Variants in PLEKHA8 observed in about 807,000 individuals in gnomAD.
PLEKHA8 encodes the protein pleckstrin homology domain containing A8.
A neutral mutation model predicts 68.2 loss-of-function variants in PLEKHA8; 36 were observed. The ratio of observed to expected loss-of-function variants is 0.53; its 90% CI spans 0.40 to 0.70. The LOEUF (loss-of-function observed/expected upper bound fraction) is 0.70. Ranked by LOEUF, PLEKHA8 falls within the 30% of genes least tolerant of loss-of-function variation. The pLI, the probability that PLEKHA8 is intolerant of heterozygous loss-of-function variation, is 0.00. For missense variants in PLEKHA8, 505 were observed against 615.4 expected (o/e 0.82, Z 1.90); for synonymous variants, 211 against 216.1 (o/e 0.98, Z 0.20).
At position 30,049,586 on chromosome 7, in the gene PLEKHA8, C is replaced by T. The variant is rs62446679; in HGVS notation, c.597+204C>T. On this transcript the variant is annotated intron_variant, in intron 5 of 13. Coordinates refer to ENST00000449726, the MANE Select transcript of PLEKHA8 (RefSeq NM_001197026.2). ...GCAATTTTACCACCTAAACATGTTTCTAATGTAGCCTCTTTCCAACCCCTT... is the reference window on the plus strand; with the variant it reads ...GCAATTTTACCACCTAAACATGTTTTTAATGTAGCCTCTTTCCAACCCCTT... 2.6e-3 allele frequency: 1,538 copies of T among 592,412 alleles called. 25 individuals are homozygous for T. Among genetic ancestry groups the T allele is most frequent in the African/African-American group, 0.026 (1,370 of 53,352 alleles). 36.7% of individuals were successfully genotyped at this position (592,412 alleles called of 1,614,324 possible).
Position 30,081,666 on chromosome 7 carries a change from C to T in PLEKHA8, c.*2879C>T. 1 of 985,154 alleles carries T rather than the reference C, an allele frequency of 1.0e-6. No homozygotes were observed. The highest frequency in any genetic ancestry group is 1.2e-6 in the Non-Finnish European group (1 of 829,722). 61.0% of individuals were successfully genotyped at this position (985,154 alleles called of 1,614,324 possible). ...CAGAGTAATCACTTTGTTCTCATCG[C>T]TCAAAGCATTTTTAGGATTATTTTT... On this transcript the variant is annotated 3_prime_UTR_variant, in exon 14 of 14. Coordinates refer to ENST00000449726, the MANE Select transcript of PLEKHA8 (RefSeq NM_001197026.2).
In PLEKHA8 at chr7:30,046,321, C is replaced by G. The variant is rs767611602; in HGVS notation, c.269C>G (p.Ser90Ter). The change falls in exon 3 of 14, where the codon TCA becomes TGA. Residue 90 changes from serine (S) to a stop codon, truncating the protein, a stop_gained. Transcript: ENST00000449726. LOFTEE classifies it high-confidence loss of function. ...CAGCGGTGGCTGGTGGCCCTGGGAT[C>G]AGCCAAGGCTTGCCTGACTGACAGT... is the stretch of plus-strand genomic sequence containing the variant. Reference protein sequence around the residue: ...ERQRWLVALGSAKACLTDSRT... With the variant: ...ERQRWLVALG The G allele has an allele frequency of 3.1e-6, 5 of 1,613,628 alleles. No individual in the cohort carries two copies. The highest frequency in any genetic ancestry group is 4.2e-6 in the Non-Finnish European group (5 of 1,179,686).
intron 3 of PLEKHA8, among the ~76,000 whole-genome samples, chr7:30,047,009 C>G (rs1792010571): frequency 6.6e-6 from 1 of 152,190 alleles, no homozygotes; most frequent in Non-Finnish European, 1.5e-5. Context: ...CCTTCCCTGC[C>G]CCATGGCCCT....
downstream of PLEKHA8, among the ~76,000 whole-genome samples, chr7:30,085,518 T>C (rs903787176): frequency 2.6e-5 from 4 of 152,228 alleles, no homozygotes; most frequent in African/African-American, 9.6e-5. Context: ...CTAAATCACT[T>C]GATGTCAAAG....
chr7:30,076,391 G>A (rs1305763715), intron 13 of PLEKHA8, among the ~76,000 whole-genome samples: 1 of 152,110 alleles, frequency 6.6e-6, no homozygotes, highest in Non-Finnish European at 1.5e-5. Flanking sequence ...ATGCATTTTT[G>A]AATAAAATTC....
At chr7:30,074,522 A>G (rs1794491797) in intron 13 of PLEKHA8, among the ~76,000 whole-genome samples, 1 of 152,200 alleles carries the variant, frequency 6.6e-6, no homozygotes, top group Non-Finnish European at 1.5e-5. Context: ...ATAAGGTAGT[A>G]AAAAGCTTAA....
intron 9 of PLEKHA8, among the ~76,000 whole-genome samples, chr7:30,056,452 G>A (rs2127983440): frequency 6.8e-6 from 1 of 146,118 alleles, no homozygotes; most frequent in East Asian, 2.0e-4. Context: ...GTTATGGCTG[G>A]GCACAGTGGC....
chr7:30,090,139 G>A (rs1562543634), intron 12 of PLEKHA8: 2 of 1,550,012 alleles, frequency 1.3e-6, no homozygotes, highest in Non-Finnish European at 1.7e-6. Context: ...TTAAAAGAGT[G>A]CACTATGTTG....
chr7:30,105,629 C>T (rs1262113933), intron 13 of PLEKHA8, among the ~76,000 whole-genome samples: 1 of 152,068 alleles, frequency 6.6e-6, no homozygotes, highest in African/African-American at 2.4e-5. Flanking sequence ...TGATAGAAAA[C>T]ATACAAAGGA....
chr7:30,126,368 A>G (rs1796772273), intron 13 of PLEKHA8, among the ~76,000 whole-genome samples: 2 of 152,362 alleles, frequency 1.3e-5, no homozygotes, highest in South Asian at 4.1e-4. Flanking sequence ...AAACTCAGTC[A>G]AGATCTCTAG....
rs928878468 is a variant in PLEKHA8 at position 30,103,288 on chromosome 7, C to T, written c.1363-25978C>T. ...TTAAAAAAATTAATAATGTAATATA[C>T]CAAAAGTTATTGCATGAATTGTGCA... On this transcript the variant is annotated intron_variant, in intron 13 of 13. Transcript: ENST00000396257. 2.6e-5 allele frequency among the ~76,000 whole-genome samples: 4 copies of T among 152,072 alleles called. No individual in the cohort carries two copies. The South Asian group carries it at 6.2e-4, about 24-fold the overall frequency.
At chr7:30,098,553 C>T (rs943869575) in intron 13 of PLEKHA8, among the ~76,000 whole-genome samples, 9 of 152,356 alleles carry the variant, frequency 5.9e-5, no homozygotes, top group South Asian at 4.1e-4. Context: ...CCCCCAGCCT[C>T]GCTGCCGCCT....
chr7:30,069,837 G>C (rs1302646038), intron 12 of PLEKHA8: 1 of 152,130 alleles, frequency 6.6e-6, no homozygotes, highest in Admixed American at 6.5e-5. Context: ...CAAGGTGATT[G>C]TCAAGGCTTC....
chr7:30,083,542 A>G lies in PLEKHA8; in HGVS notation c.*4755A>G. ...TTGCACTGCTGCATTCAGGCACTCC[A>G]GGGCATGATTAAACAGTCATTAACA... On this transcript the variant is annotated 3_prime_UTR_variant, in exon 14 of 14. Coordinates refer to ENST00000449726, the MANE Select transcript of PLEKHA8 (RefSeq NM_001197026.2). 1.0e-6 allele frequency: 1 copy of G among 985,406 alleles called. No homozygotes were observed. Among genetic ancestry groups the G allele is most frequent in the South Asian group, 4.7e-5 (1 of 21,290 alleles). 61.0% of individuals were successfully genotyped at this position (985,406 alleles called of 1,614,324 possible). A position where few individuals can be genotyped will look rare whatever the true frequency, so the allele number is the denominator to read the frequency against.
chr7:30,082,551 G>C lies in PLEKHA8; in HGVS notation c.*3764G>C. On this transcript the variant is annotated 3_prime_UTR_variant, in exon 14 of 14. Coordinates refer to ENST00000449726, the MANE Select transcript of PLEKHA8 (RefSeq NM_001197026.2). The stretch of plus-strand genomic sequence containing the variant: ...CACCTAGGAAAGATGATTATTAGAG[G>C]AGTGCAGCGGAAAAAAATTTGCACT... 1 of 985,316 alleles carries C rather than the reference G, an allele frequency of 1.0e-6. No homozygotes were observed. Among genetic ancestry groups the C allele is most frequent in the African/African-American group, 1.7e-5 (1 of 57,312 alleles). The allele number at this position is 985,316 out of a possible 1,614,324, so 61.0% of individuals were successfully genotyped here. A position where few individuals can be genotyped will look rare whatever the true frequency, so the allele number is the denominator to read the frequency against.
At chr7:30,036,453 T>C (rs1791103329) in intron 1 of PLEKHA8, among the ~76,000 whole-genome samples, 1 of 144,760 alleles carries the variant, frequency 6.9e-6, no homozygotes, top group African/African-American at 2.5e-5. Flanking sequence ...GATAGATAGA[T>C]AGATAGATAG....
chr7:30,046,134 C>T (rs1791938250), intron 2 of PLEKHA8, 76 bp from the exon 3 acceptor site: 7 of 1,373,904 alleles, frequency 5.1e-6, no homozygotes, highest in Non-Finnish European at 6.8e-6. Flanking sequence ...CAATTAAGCT[C>T]AAGAAGTTGG....
At chr7:30,072,821 A>G (rs1326928866) in intron 12 of PLEKHA8, among the ~76,000 whole-genome samples, 1 of 152,352 alleles carries the variant, frequency 6.6e-6, no homozygotes, top group East Asian at 1.9e-4. Context: ...AGAAGGTCAA[A>G]TAGCCCCCAT....
At chr7:30,087,639 A>C (rs926679119), downstream of PLEKHA8, among the ~76,000 whole-genome samples, 1 of 152,172 alleles carries the variant, frequency 6.6e-6, no homozygotes, top group Non-Finnish European at 1.5e-5. Flanking sequence ...GTGCACAGCT[A>C]TGCTTGATCT....
Sources: allele counts gnomAD v4.1 joint callset (sites outside exome capture counted in the v4.1 genomes callset), GRCh38; gene constraint gnomAD v4.1.1; transcripts MANE v1.5; gene names NCBI Gene and HGNC (gene_info 2026-07-23, HGNC 2026-07-21).